LRRIQ1: variants seen among roughly 807,000 people sequenced by gnomAD.
LRRIQ1 encodes leucine rich repeats and IQ motif containing 1.
In LRRIQ1, 210 loss-of-function variants were observed where a neutral mutation model predicts 211.9. The observed-to-expected ratio is 0.99, with a 90% CI of 0.89 to 1.11. The LOEUF is 1.11. LRRIQ1 is among the 50% of genes most tolerant of loss of function. LRRIQ1 has a pLI of 0.00. For missense variants in LRRIQ1, 2,136 were observed against 1,939.5 expected (o/e 1.10, Z -1.90); for synonymous variants, 699 against 650.1 (o/e 1.08, Z -1.14).
At chr12:85,119,112 T>A (rs1359424661) in intron 15 of LRRIQ1, among the ~76,000 whole-genome samples, 2 of 152,188 alleles carry the variant, frequency 1.3e-5, no homozygotes, top group African/African-American at 4.8e-5. Flanking sequence ...TATCCACTAT[T>A]GTAGTATGAT....
At chr12:85,186,441 C>T (rs952191657) in intron 24 of LRRIQ1, among the ~76,000 whole-genome samples, 1 of 152,040 alleles carries the variant, frequency 6.6e-6, no homozygotes, top group African/African-American at 2.4e-5. Context: ...TCGATTGTGA[C>T]CTCTGATTGC....
At chr12:85,266,512 C>G (rs147158594), downstream of LRRIQ1, among the ~76,000 whole-genome samples, 214 of 152,224 alleles carry the variant, frequency 1.4e-3, no homozygotes, top group African/African-American at 4.8e-3. Flanking sequence ...TTACTGGGAA[C>G]CAGAATTTTA....
At chr12:85,125,671 A>G (rs1318260627) in intron 17 of LRRIQ1, among the ~76,000 whole-genome samples, 1 of 152,140 alleles carries the variant, frequency 6.6e-6, no homozygotes, top group Non-Finnish European at 1.5e-5. Context: ...ATATGCTGAA[A>G]CTAACTTGTT....
chr12:85,065,275 C>A lies in LRRIQ1; in HGVS notation c.2405C>A (p.Thr802Lys). 1 of 1,608,648 alleles carries A rather than the reference C, an allele frequency of 6.2e-7. No individual in the cohort carries two copies. Among genetic ancestry groups the A allele is most frequent in the Non-Finnish European group, 8.5e-7 (1 of 1,176,990 alleles). Reference protein sequence around the residue: ...WDTLQQVTTVTFQDLPGCVLS... With the variant: ...WDTLQQVTTVKFQDLPGCVLS... Reference sequence around the variant, plus strand: ...TGGTTCCTCTAGGTTACAACAGTTACATTTCAAGATTTGCCAGGCTGTGTT... The same window carrying A: ...TGGTTCCTCTAGGTTACAACAGTTAAATTTCAAGATTTGCCAGGCTGTGTT... Residue 802 changes from threonine (T) to lysine (K), a missense_variant, in exon 9 of 27, where the codon ACA becomes AAA. Thr to Lys is a moderately conservative substitution (Grantham distance 78, BLOSUM62 -1). Coordinates refer to ENST00000393217, the MANE Select transcript of LRRIQ1 (RefSeq NM_001079910.2).
chr12:85,205,050 G>A (rs1893476276), intron 24 of LRRIQ1, among the ~76,000 whole-genome samples: 1 of 152,086 alleles, frequency 6.6e-6, no homozygotes, highest in Non-Finnish European at 1.5e-5. Flanking sequence ...TTCTCTTATA[G>A]TGTTCTCTTG....
chr12:85,055,671 A>C lies in LRRIQ1; in HGVS notation c.878A>C (p.Lys293Thr). 1 of 1,604,746 alleles carries C rather than the reference A, an allele frequency of 6.2e-7. No individual in the cohort carries two copies. The highest frequency in any genetic ancestry group is 1.1e-5 in the South Asian group (1 of 88,150). Residue 293 changes from lysine to threonine, a missense_variant, in exon 8 of 27, where the codon AAA becomes ACA. Coordinates refer to ENST00000393217, the MANE Select transcript of LRRIQ1 (RefSeq NM_001079910.2). ...AATGCAGCTGTTAAAATTCAAGCTA[A>C]ATATAAAGCATTTGTTGCCTATCAA... ...QNNAAVKIQA[K>T]YKAFVAYQKY... is the part of the protein sequence containing the mutation.
At chr12:85,086,972 C>G (rs893550352) in intron 11 of LRRIQ1, among the ~76,000 whole-genome samples, 1 of 127,874 alleles carries the variant, frequency 7.8e-6, no homozygotes, top group Non-Finnish European at 1.7e-5. Context: ...ACTTTAAGTT[C>G]TAGGGTACAT....
chr12:85,200,420 C>A (rs1893231352), intron 24 of LRRIQ1, among the ~76,000 whole-genome samples: 1 of 152,134 alleles, frequency 6.6e-6, no homozygotes, highest in African/African-American at 2.4e-5. Context: ...GATAGTCTGA[C>A]AAATCTCTTC....
chr12:85,138,467 A>G (rs1003304913), intron 19 of LRRIQ1, among the ~76,000 whole-genome samples: 2 of 151,570 alleles, frequency 1.3e-5, no homozygotes, highest in Non-Finnish European at 3.0e-5. Flanking sequence ...TGTTTGTTAC[A>G]TAGTCTCTTC....
chr12:85,176,757 AAT>A (rs201859899), intron 24 of LRRIQ1, among the ~76,000 whole-genome samples: 3 of 136,066 alleles, frequency 2.2e-5, no homozygotes, highest in African/African-American at 6.3e-5. Flanking sequence ...AATAAAAAAA[AAT>A]TTTAAAAAAA....
intron 23 of LRRIQ1, among the ~76,000 whole-genome samples, chr12:85,157,733 G>C (rs1890631243): frequency 1.3e-5 from 2 of 151,824 alleles, no homozygotes; most frequent in African/African-American, 4.8e-5. Context: ...GTTTGGTTTT[G>C]ATGTGGAGCA....
At chr12:85,234,350 C>T (rs1169205376) in intron 26 of LRRIQ1, among the ~76,000 whole-genome samples, 2 of 152,114 alleles carry the variant, frequency 1.3e-5, no homozygotes, top group Admixed American at 6.5e-5. Flanking sequence ...GGATATTAAT[C>T]CTTTTTCCAT....
intron 18 of LRRIQ1, among the ~76,000 whole-genome samples, chr12:85,133,089 G>A (rs2136512039): frequency 6.6e-6 from 1 of 152,176 alleles, no homozygotes; most frequent in Admixed American, 6.5e-5. Flanking sequence ...CAGAAATAAA[G>A]CATCAAGGAA....
chr12:85,153,685 TG>T lies in LRRIQ1; in HGVS notation c.4566del (p.Trp1522Ter). 1 of 1,583,662 alleles carries T rather than the reference TG, an allele frequency of 6.3e-7. No individual in the cohort carries two copies. Among genetic ancestry groups the T allele is most frequent in the Non-Finnish European group, 8.6e-7 (1 of 1,167,908 alleles). On this transcript the variant is annotated frameshift_variant, in exon 22 of 27. Transcript: ENST00000393217. LOFTEE classifies it high-confidence loss of function. The stretch of plus-strand genomic sequence containing the variant: ...CAGATCAGAAAATAAAACTTCTTCC[TG>T]GACACCTGAATCAAAGACCAGTAGA... ...NSRSENKTSSWTPESKTSRKS... is the reference protein window; with the variant it reads ...NSRSENKTSSXTPESKTSRKS...
chr12:85,128,634 C>G (rs960138782), intron 18 of LRRIQ1, among the ~76,000 whole-genome samples: 1 of 152,132 alleles, frequency 6.6e-6, no homozygotes, highest in African/African-American at 2.4e-5. Flanking sequence ...TCAAGTATGT[C>G]ATTTGTCACA....
At chr12:85,186,566 C>T (rs943284480) in intron 24 of LRRIQ1, among the ~76,000 whole-genome samples, 1 of 152,038 alleles carries the variant, frequency 6.6e-6, no homozygotes, top group Non-Finnish European at 1.5e-5. Flanking sequence ...TGCTATCTAC[C>T]CTGCCATGGT....
chr12:85,259,356 T>G (rs78498727), intron 1 of LRRIQ1, among the ~76,000 whole-genome samples: 2,970 of 152,136 alleles, frequency 0.02, 96 homozygotes, highest in African/African-American at 0.068. Context: ...TGATTATACA[T>G]TGACCATATT....
intron 1 of LRRIQ1, among the ~76,000 whole-genome samples, chr12:85,259,679 A>G (rs1198435302): frequency 6.6e-6 from 1 of 152,132 alleles, no homozygotes; most frequent in African/African-American, 2.4e-5. Flanking sequence ...AGTGTTTGTT[A>G]AAGACTCATT....
chr12:85,117,350 T>C (rs1032200772), intron 15 of LRRIQ1, among the ~76,000 whole-genome samples: 73 of 152,280 alleles, frequency 4.8e-4, no homozygotes, highest in African/African-American at 1.7e-3. Flanking sequence ...CTTTTCCCGG[T>C]GAAAAGTATG....
Sources: allele counts gnomAD v4.1 joint callset (sites outside exome capture counted in the v4.1 genomes callset), GRCh38; gene constraint gnomAD v4.1.1; transcripts MANE v1.5; gene names NCBI Gene and HGNC (gene_info 2026-07-23, HGNC 2026-07-21).